EFNB3: variants seen among roughly 807,000 people sequenced by gnomAD.
EFNB3 encodes ephrin-B3.
EFNB3 carries 14 observed loss-of-function variants against 29.8 expected under a neutral mutation model. The ratio of observed to expected loss-of-function variants is 0.47; its 90% CI spans 0.31 to 0.73. EFNB3 has a LOEUF of 0.73. EFNB3 is among the 30% of genes least tolerant of loss of function. EFNB3 has a pLI of 0.05. For synonymous variants in EFNB3, 216 were observed against 191.6 expected (o/e 1.13, Z -1.05); for missense variants, 408 against 458.0 (o/e 0.89, Z 1.00).
In EFNB3 at chr17:7,709,860, G is replaced by T. The variant is rs1291091823; in HGVS notation, c.*284G>T. The T allele has an allele frequency of 7.2e-5, 38 of 528,274 alleles. 1 individual carries two copies. Among genetic ancestry groups the T allele is most frequent in the South Asian group, 6.5e-4 (29 of 44,876 alleles). 32.7% of individuals were successfully genotyped at this position (528,274 alleles called of 1,614,324 possible). On this transcript the variant is annotated 3_prime_UTR_variant, in exon 5 of 5. Transcript: ENST00000226091. The surrounding 1 kb of genome is among the most constrained non-coding windows in gnomAD (Gnocchi z 4.5). ...CAGGCTCAGCCTCCTCTCTGACCAT[G>T]ACCCAGGCATCCTTGTCCCCCTCAC... is the stretch of plus-strand genomic sequence containing the variant.
Position 7,709,736 on chromosome 17 carries a change from C to T in EFNB3, c.*160C>T, listed in dbSNP as rs2074342937. The T allele has an allele frequency of 1.3e-6, 1 of 774,414 alleles. No individual in the cohort carries two copies. Among genetic ancestry groups the T allele is most frequent in the Non-Finnish European group, 2.1e-6 (1 of 468,168 alleles). 48.0% of individuals were successfully genotyped at this position (774,414 alleles called of 1,614,324 possible). ...GTCCTCGTCTCCACTTTTAGGATTC[C>T]TTAGGATTCCCACTGCCCCACTTCC... On this transcript the variant is annotated 3_prime_UTR_variant, in exon 5 of 5. Coordinates refer to ENST00000226091, the MANE Select transcript of EFNB3 (RefSeq NM_001406.4). The surrounding 1 kb of genome is among the most constrained non-coding windows in gnomAD (Gnocchi z 4.5).
At position 7,709,385 on chromosome 17, in the gene EFNB3, G is replaced by A. The variant is rs1164097029; in HGVS notation, c.832G>A (p.Gly278Arg). The A allele has an allele frequency of 1.3e-6, 2 of 1,596,436 alleles. No homozygotes were observed. Among genetic ancestry groups the A allele is most frequent in the South Asian group, 2.2e-5 (2 of 89,170 alleles). The stretch of plus-strand genomic sequence containing the variant: ...CGGGAGGGGAGGGTCTCTGGGCCTG[G>A]GGGGTGGAGGTGGGATGGGACCTCG... Reference protein sequence around the residue: ...SFGRGGSLGLGGGGGMGPREA... With the variant: ...SFGRGGSLGLRGGGGMGPREA... Residue 278 changes from glycine to arginine, a missense_variant, in exon 5 of 5, where the codon GGG (glycine) becomes AGG (arginine). Gly to Arg is a moderately radical substitution (Grantham distance 125). This residue lies in a region of EFNB3 where 233 missense variants were observed against 230.7 expected (regional missense o/e 1.01). Coordinates refer to ENST00000226091, the MANE Select transcript of EFNB3 (RefSeq NM_001406.4). The surrounding 1 kb of genome is among the most constrained non-coding windows in gnomAD (Gnocchi z 4.5).
Position 7,710,421 on chromosome 17 carries a change from G to T in EFNB3, c.*845G>T, listed in dbSNP as rs2074345828. 1 of 152,716 alleles carries T rather than the reference G, an allele frequency of 6.5e-6. No homozygotes were observed. The highest frequency in any genetic ancestry group is 1.5e-5 in the Non-Finnish European group (1 of 68,104). The allele number at this position is 152,716 out of a possible 1,614,324, so 9.5% of individuals were successfully genotyped here. ...GGCCACTTGGGACCGGAAGTGACTTGCTCCAGACAAGAGGTGACCAGGCCC... is the reference window on the plus strand; with the variant it reads ...GGCCACTTGGGACCGGAAGTGACTTTCTCCAGACAAGAGGTGACCAGGCCC... On this transcript the variant is annotated 3_prime_UTR_variant, in exon 5 of 5. Transcript: ENST00000226091.
Position 7,708,256 on chromosome 17 carries a change from G to T in EFNB3, c.415+6G>T, listed in dbSNP as rs902154185. 1 of 1,608,166 alleles carries T rather than the reference G, an allele frequency of 6.2e-7. No homozygotes were observed. The highest frequency in any genetic ancestry group is 1.1e-5 in the South Asian group (1 of 91,006). On this transcript the variant is annotated splice_donor_region_variant and intron_variant, in intron 2 of 4. Transcript: ENST00000226091. The surrounding 1 kb of genome is among the most constrained non-coding windows in gnomAD (Gnocchi z 6.8). ...CCACGATTACTACATCATTGGTACTGCTGGGCAGAGGGCACGATTGAGTGG... is the reference window on the plus strand; with the variant it reads ...CCACGATTACTACATCATTGGTACTTCTGGGCAGAGGGCACGATTGAGTGG...
In EFNB3 at chr17:7,709,543, C is replaced by T. The variant is rs17854241; in HGVS notation, c.990C>T (p.Pro330=). 3.1e-6 allele frequency: 5 copies of T among 1,613,930 alleles called. No individual in the cohort carries two copies. The highest frequency in any genetic ancestry group is 1.1e-5 in the South Asian group (1 of 91,068). ...TGTATATCGTGCAGGATGGGCCCCC[C>T]CAGAGCCCTCCAAACATCTACTACA... The part of the protein sequence containing the change: ...HPVYIVQDGP[P]QSPPNIYYKV Residue 330 remains proline (P), a synonymous_variant, in exon 5 of 5, where the codon CCC becomes CCT. Transcript: ENST00000226091. The surrounding 1 kb of genome is among the most constrained non-coding windows in gnomAD (Gnocchi z 4.5).
In EFNB3 at chr17:7,709,093, G is replaced by C. The variant is rs942330933; in HGVS notation, c.614-74G>C. The C allele has an allele frequency of 1.4e-6, 2 of 1,449,872 alleles. No homozygotes were observed. The highest frequency in any genetic ancestry group is 2.8e-5 in the African/African-American group (2 of 70,738). 89.8% of individuals were successfully genotyped at this position (1,449,872 alleles called of 1,614,324 possible). On this transcript the variant is annotated intron_variant, in intron 4 of 4. Transcript: ENST00000226091. This position sits in a 1 kb window ranked among gnomAD's most constrained non-coding sequence, Gnocchi z 4.5. ...AAGGGAAGCCCATGGGGACCCCCAG[G>C]GTTGGGTGTCCAGGTGCCCAGGTGG...
chr17:7,709,288 T>TG lies in EFNB3; in HGVS notation c.740dup (p.Ala248CysfsTer42). 6.3e-7 allele frequency: 1 copy of TG among 1,578,202 alleles called. No homozygotes were observed. Among genetic ancestry groups the TG allele is most frequent in the Non-Finnish European group, 8.6e-7 (1 of 1,165,902 alleles). On this transcript the variant is annotated frameshift_variant, in exon 5 of 5. Transcript: ENST00000226091. LOFTEE classifies it high-confidence loss of function. The surrounding 1 kb of genome is among the most constrained non-coding windows in gnomAD (Gnocchi z 4.5). ...TGCTCTTGCTGGGCGTGGCAGGGGC[T>TG]GGGGGTGCCATGTGTTGGCGGAGAC...
Position 7,708,151 on chromosome 17 carries a change from C to A in EFNB3, c.316C>A (p.Arg106Ser). Reference protein sequence around the residue: ...PAPNLLLTCDRPDLDLRFTIK... With the variant: ...PAPNLLLTCDSPDLDLRFTIK... Reference sequence around the variant, plus strand: ...CCCAAACCTCCTTCTCACTTGTGATCGCCCAGACCTGGATCTCCGCTTCAC... The same window carrying A: ...CCCAAACCTCCTTCTCACTTGTGATAGCCCAGACCTGGATCTCCGCTTCAC... Residue 106 changes from arginine (R) to serine (S), a missense_variant, in exon 2 of 5, where the codon CGC becomes AGC. Transcript: ENST00000226091. The surrounding 1 kb of genome is among the most constrained non-coding windows in gnomAD (Gnocchi z 6.8). 3.1e-6 allele frequency: 5 copies of A among 1,614,006 alleles called. No homozygotes were observed. The highest frequency in any genetic ancestry group is 4.2e-6 in the Non-Finnish European group (5 of 1,180,032).
chr17:7,705,306 C>T lies in EFNB3; in HGVS notation c.-293C>T. On this transcript the variant is annotated 5_prime_UTR_variant, in exon 1 of 5. Coordinates refer to ENST00000226091, the MANE Select transcript of EFNB3 (RefSeq NM_001406.4). The surrounding 1 kb of genome is among the most constrained non-coding windows in gnomAD (Gnocchi z 5.4). ...TCCGGCGCCCCATGCCGCCCCCGCCCGGTCCCCGGCTCCCCCAGTCCCCCA... is the reference window on the plus strand; with the variant it reads ...TCCGGCGCCCCATGCCGCCCCCGCCTGGTCCCCGGCTCCCCCAGTCCCCCA... 1 of 224,970 alleles carries T rather than the reference C, an allele frequency of 4.4e-6. No individual in the cohort carries two copies. Among genetic ancestry groups the T allele is most frequent in the South Asian group, 1.2e-4 (1 of 8,056 alleles). 13.9% of individuals were successfully genotyped at this position (224,970 alleles called of 1,614,324 possible).
At position 7,709,087 on chromosome 17, in the gene EFNB3, C is replaced by A. The variant is rs1457905505; in HGVS notation, c.614-80C>A. The A allele has an allele frequency of 3.5e-5, 50 of 1,409,048 alleles. No homozygotes were observed. The highest frequency in any genetic ancestry group is 4.2e-5 in the Non-Finnish European group (43 of 1,027,352). The allele number at this position is 1,409,048 out of a possible 1,614,324, so 87.3% of individuals were successfully genotyped here. A position where few individuals can be genotyped will look rare whatever the true frequency, so the allele number is the denominator to read the frequency against. The stretch of plus-strand genomic sequence containing the variant: ...CGCTACAAGGGAAGCCCATGGGGAC[C>A]CCCAGGGTTGGGTGTCCAGGTGCCC... On this transcript the variant is annotated intron_variant, in intron 4 of 4. Coordinates refer to ENST00000226091, the MANE Select transcript of EFNB3 (RefSeq NM_001406.4). The surrounding 1 kb of genome is among the most constrained non-coding windows in gnomAD (Gnocchi z 4.5).
chr17:7,705,626 G>C lies in EFNB3; in HGVS notation c.28G>C (p.Gly10Arg). 6.6e-7 allele frequency: 1 copy of C among 1,510,222 alleles called. No individual in the cohort carries two copies. Among genetic ancestry groups the C allele is most frequent in the Non-Finnish European group, 8.7e-7 (1 of 1,144,924 alleles). 93.6% of individuals were successfully genotyped at this position (1,510,222 alleles called of 1,614,324 possible). Residue 10 changes from glycine to arginine, a missense_variant, in exon 1 of 5, where the codon GGC becomes CGC. Around this residue, in one of 3 missense-constraint regions of EFNB3, gnomAD observed 128 missense variants for 140.8 expected, o/e 0.91. Coordinates refer to ENST00000226091, the MANE Select transcript of EFNB3 (RefSeq NM_001406.4). This position sits in a 1 kb window ranked among gnomAD's most constrained non-coding sequence, Gnocchi z 5.4. ...GGGGCCCCCCCATTCTGGGCCGGGG[G>C]GCGTGCGAGTCGGGGCCCTGCTGCT... MGPPHSGPG[G>R]VRVGALLLLG...
Position 7,705,783 on chromosome 17 carries a change from G to T in EFNB3, c.122+63G>T, listed in dbSNP as rs1011169839. 2 of 1,507,696 alleles carry T rather than the reference G, an allele frequency of 1.3e-6. No individual in the cohort carries two copies. Among genetic ancestry groups the T allele is most frequent in the East Asian group, 2.6e-5 (1 of 37,812 alleles). 93.4% of individuals were successfully genotyped at this position (1,507,696 alleles called of 1,614,324 possible). On this transcript the variant is annotated intron_variant, in intron 1 of 4. Coordinates refer to ENST00000226091, the MANE Select transcript of EFNB3 (RefSeq NM_001406.4). This position sits in a 1 kb window ranked among gnomAD's most constrained non-coding sequence, Gnocchi z 5.4. ...GGCAGTGGGTAGGGAAGCTCTGGGG[G>T]CTTGGAGGCGGGCTTCTGTGGGCAG...
chr17:7,705,679 G>A lies in EFNB3; in HGVS notation c.81G>A (p.Gly27=), dbSNP rs143827161. The A allele has an allele frequency of 2.6e-6, 4 of 1,541,138 alleles. No homozygotes were observed. The highest frequency in any genetic ancestry group is 3.5e-6 in the Non-Finnish European group (4 of 1,154,176). ...TGGGGGTTTTGGGGCTGGTGTCTGG[G>A]CTCAGCCTGGAGCCTGTCTACTGGA... ...LLLGVLGLVS[G]LSLEPVYWNS... Residue 27 remains glycine, a synonymous_variant, in exon 1 of 5, where the codon GGG becomes GGA. Transcript: ENST00000226091. The surrounding 1 kb of genome is among the most constrained non-coding windows in gnomAD (Gnocchi z 5.4).
In EFNB3 at chr17:7,708,764, GCCTTCC is replaced by G; in HGVS notation, c.613+28_613+33del. On this transcript the variant is annotated intron_variant, in intron 4 of 4. Transcript: ENST00000226091. The surrounding 1 kb of genome is among the most constrained non-coding windows in gnomAD (Gnocchi z 6.8). The stretch of plus-strand genomic sequence containing the variant: ...GGTAGGAACCAGGGGCTAGGCCCCT[GCCTTCC>G]CCAGCTTCCTCTGCTCTCAGACCCC... 6.6e-7 allele frequency: 1 copy of G among 1,515,050 alleles called. No homozygotes were observed. The highest frequency in any genetic ancestry group is 8.8e-7 in the Non-Finnish European group (1 of 1,130,320). 93.9% of individuals were successfully genotyped at this position (1,515,050 alleles called of 1,614,324 possible).
chr17:7,705,420 G>C lies in EFNB3; in HGVS notation c.-179G>C. 1 of 473,934 alleles carries C rather than the reference G, an allele frequency of 2.1e-6. No homozygotes were observed. The highest frequency in any genetic ancestry group is 3.7e-6 in the Non-Finnish European group (1 of 271,738). 29.4% of individuals were successfully genotyped at this position (473,934 alleles called of 1,614,324 possible). A position where few individuals can be genotyped will look rare whatever the true frequency, so the allele number is the denominator to read the frequency against. On this transcript the variant is annotated 5_prime_UTR_variant, in exon 1 of 5. Coordinates refer to ENST00000226091, the MANE Select transcript of EFNB3 (RefSeq NM_001406.4). The surrounding 1 kb of genome is among the most constrained non-coding windows in gnomAD (Gnocchi z 5.4). ...AGACGGCCCCTGGAAGGGCTCTGGT[G>C]GGGCTGAGCGCTCTGCCGCGGGGGC...
chr17:7,707,771 G>A (rs1183780154), intron 1 of EFNB3, among the ~76,000 whole-genome samples, 187 bp from the exon 2 acceptor site: 1 of 152,190 alleles, frequency 6.6e-6, no homozygotes, highest in Non-Finnish European at 1.5e-5. Flanking sequence ...GCTTCCTGCT[G>A]CTTCCAATGT....
Position 7,708,026 on chromosome 17 carries a change from G to C in EFNB3, c.191G>C (p.Arg64Pro). The change falls in exon 2 of 5, where the codon CGG (arginine) becomes CCG (proline). Residue 64 changes from arginine to proline, a missense_variant. Transcript: ENST00000226091. This position sits in a 1 kb window ranked among gnomAD's most constrained non-coding sequence, Gnocchi z 6.8. ...IGDRLDLLCP[R>P]ARPPGPHSSP... ...GACCGGCTAGACCTGCTCTGCCCCC[G>C]GGCCCGGCCTCCTGGCCCTCACTCC... is the stretch of plus-strand genomic sequence containing the variant. 6.2e-7 allele frequency: 1 copy of C among 1,614,020 alleles called. No individual in the cohort carries two copies. The highest frequency in any genetic ancestry group is 8.5e-7 in the Non-Finnish European group (1 of 1,179,978).
chr17:7,705,726 T>C lies in EFNB3; in HGVS notation c.122+6T>C. On this transcript the variant is annotated splice_donor_region_variant and intron_variant, in intron 1 of 4. Transcript: ENST00000226091. The surrounding 1 kb of genome is among the most constrained non-coding windows in gnomAD (Gnocchi z 5.4). Reference sequence around the variant, plus strand: ...TGGAACTCGGCGAATAAGAGGTGAGTGGCCTGCGGCTGGGGAGATCCCAGA... The same window carrying C: ...TGGAACTCGGCGAATAAGAGGTGAGCGGCCTGCGGCTGGGGAGATCCCAGA... The C allele has an allele frequency of 6.4e-7, 1 of 1,559,586 alleles. No individual in the cohort carries two copies. Among genetic ancestry groups the C allele is most frequent in the Admixed American group, 1.9e-5 (1 of 52,416 alleles).
In EFNB3 at chr17:7,705,833, G is replaced by C; in HGVS notation, c.122+113G>C. 7.5e-7 allele frequency: 1 copy of C among 1,331,546 alleles called. No homozygotes were observed. The highest frequency in any genetic ancestry group is 1.0e-6 in the Non-Finnish European group (1 of 994,278). 82.5% of individuals were successfully genotyped at this position (1,331,546 alleles called of 1,614,324 possible). On this transcript the variant is annotated intron_variant, in intron 1 of 4. Transcript: ENST00000226091. This position sits in a 1 kb window ranked among gnomAD's most constrained non-coding sequence, Gnocchi z 5.4. ...GGGAGGAGGCGGGAGGGAAGGTGCT[G>C]GTGCTCTGATGTGTGATGGGTTACT...
Sources: gnomAD v4.1 joint callset for allele counts (sites outside exome capture counted in the v4.1 genomes callset) on GRCh38, gnomAD v4.1.1 for gene constraint, gnomAD v4.1.1 regional missense constraint, Gnocchi (gnomAD v3.1) non-coding constraint, MANE v1.5 for transcripts, NCBI Gene and HGNC (gene_info 2026-07-23, HGNC 2026-07-21) for gene names.